The following MTUS2 variants were observed in gnomAD, a reference collection of about 807,000 sequenced individuals.
MTUS2 encodes microtubule associated scaffold protein 2.
Under a neutral mutation model 114.1 loss-of-function variants are expected in MTUS2, and 40 were observed. The ratio of observed to expected loss-of-function variants is 0.35; its 90% CI spans 0.27 to 0.46. The LOEUF is 0.46. MTUS2 is among the 20% of genes least tolerant of loss of function. The probability of loss-of-function intolerance (pLI) is 1.00; values close to 1 mark genes in which losing one functional copy is unlikely to be tolerated. For missense variants in MTUS2, 1,679 were observed against 1,705.4 expected, an observed-to-expected ratio of 0.98 and a Z score of 0.27; for synonymous variants, 688 against 672.0, an observed-to-expected ratio of 1.02 and a Z score of -0.37.
chr13:28,909,753 A>T (rs1413925041), intron 2 of MTUS2, among the ~76,000 whole-genome samples: 4 of 152,194 alleles, frequency 2.6e-5, no homozygotes, highest in African/African-American at 4.8e-5. Context: ...CTGTTTGCAG[A>T]TGTCATGATT....
At chr13:28,881,445 C>T (rs980092447) in intron 2 of MTUS2, among the ~76,000 whole-genome samples, 2 of 152,052 alleles carry the variant, frequency 1.3e-5, no homozygotes, top group African/African-American at 4.8e-5. Flanking sequence ...ACTATGAATG[C>T]AGGTATCTTT....
intron 5 of MTUS2, among the ~76,000 whole-genome samples, chr13:29,151,954 T>C (rs1172557441): frequency 6.6e-6 from 1 of 152,220 alleles, no homozygotes; most frequent in Non-Finnish European, 1.5e-5. Flanking sequence ...TTGAGGATTT[T>C]TGCATCTATG....
intron 1 of MTUS2, among the ~76,000 whole-genome samples, chr13:28,826,720 G>A (rs2137933419): frequency 6.6e-6 from 1 of 152,320 alleles, no homozygotes; most frequent in Admixed American, 6.5e-5. Flanking sequence ...TCCAGAAACA[G>A]GCTGATATTG....
intron 12 of MTUS2, among the ~76,000 whole-genome samples, chr13:29,493,836 A>G (rs1882356547): frequency 6.6e-6 from 1 of 152,174 alleles, no homozygotes; most frequent in Non-Finnish European, 1.5e-5. Context: ...CAAAGAAATG[A>G]GAGTTTTGTC....
At chr13:28,985,620 C>T (rs1388807351) in intron 2 of MTUS2, among the ~76,000 whole-genome samples, 5 of 150,340 alleles carry the variant, frequency 3.3e-5, no homozygotes, top group South Asian at 2.1e-4. Flanking sequence ...AATTCAGTGC[C>T]GTTGTTTAAG....
rs144465702 is a variant in MTUS2, at chr13:29,468,266, A to G, written c.3185-11884A>G. ...TTCCAAAGCATATGGCAGAATAACA[A>G]TATTTTTATTCTTCAAAAGAGCATT... On this transcript the variant is annotated intron_variant, in intron 9 of 15. Transcript: ENST00000612955. Among the ~76,000 whole-genome samples the G allele has an allele frequency of 2.9e-3, 433 of 151,456 alleles. 4 individuals are homozygous for G. Among genetic ancestry groups the G allele is most frequent in the Non-Finnish European group, 3.6e-3 (242 of 67,816 alleles).
At chr13:28,826,548 C>T (rs1379433937) in intron 1 of MTUS2, among the ~76,000 whole-genome samples, 1 of 152,194 alleles carries the variant, frequency 6.6e-6, no homozygotes, top group Non-Finnish European at 1.5e-5. Context: ...AGTGTTTACA[C>T]ACAGTCATTA....
At chr13:28,935,964 C>G (rs950298611) in intron 2 of MTUS2, among the ~76,000 whole-genome samples, 3 of 152,114 alleles carry the variant, frequency 2.0e-5, no homozygotes, top group Non-Finnish European at 4.4e-5. Flanking sequence ...CCAGACTGGT[C>G]TTGAACTCCT....
intron 5 of MTUS2, among the ~76,000 whole-genome samples, chr13:29,276,336 A>G (rs1351492150): frequency 4.6e-5 from 7 of 152,226 alleles, no homozygotes; most frequent in Admixed American, 1.3e-4. Flanking sequence ...GCAATTTTTC[A>G]GTCATATATA....
At chr13:29,221,415 A>G (rs923154872) in intron 5 of MTUS2, among the ~76,000 whole-genome samples, 10 of 152,362 alleles carry the variant, frequency 6.6e-5, no homozygotes, top group African/African-American at 2.4e-4. Flanking sequence ...TTTTGTGCCA[A>G]CTAAGCAGTG....
intron 2 of MTUS2, among the ~76,000 whole-genome samples, chr13:28,969,595 C>T (rs932807163): frequency 5.3e-5 from 8 of 150,814 alleles, no homozygotes; most frequent in Non-Finnish European, 1.2e-4. Context: ...ATCCGCCTCC[C>T]GGGTTCAAGC....
rs1878534513 is a variant in MTUS2 at position 28,885,370 on chromosome 13, T to G, written c.-243+45520T>G. Among the ~76,000 whole-genome samples, 3 of 152,176 alleles carry G rather than the reference T, an allele frequency of 2.0e-5. No individual in the cohort carries two copies. In the South Asian group the frequency reaches 6.2e-4, roughly 31 times the overall value. Reference sequence around the variant, plus strand: ...GGAAGGAAAAGAAGCTGACACTGATTGTCAACATTTATGGAAACCTGTTCT... The same window carrying G: ...GGAAGGAAAAGAAGCTGACACTGATGGTCAACATTTATGGAAACCTGTTCT... On this transcript the variant is annotated intron_variant, in intron 2 of 15. Coordinates refer to ENST00000612955, the MANE Select transcript of MTUS2 (RefSeq NM_001033602.4).
chr13:29,500,088 T>A (rs146835557), intron 14 of MTUS2, among the ~76,000 whole-genome samples: 2 of 152,194 alleles, frequency 1.3e-5, no homozygotes, highest in Admixed American at 1.3e-4. Context: ...GCCATTTGCA[T>A]TGGGTCACCA....
At chr13:28,944,571 A>G (rs1486851203) in intron 2 of MTUS2, among the ~76,000 whole-genome samples, 1 of 152,140 alleles carries the variant, frequency 6.6e-6, no homozygotes, top group Non-Finnish European at 1.5e-5. Flanking sequence ...TATTAGTTGT[A>G]TTCTATTGCT....
chr13:28,944,980 C>G (rs1377419080), intron 2 of MTUS2, among the ~76,000 whole-genome samples: 2 of 152,190 alleles, frequency 1.3e-5, no homozygotes, highest in East Asian at 3.8e-4. Flanking sequence ...CCCTCCCACC[C>G]TTAAAACCCT....
chr13:29,194,194 C>T (rs1384649508), intron 5 of MTUS2, among the ~76,000 whole-genome samples: 1 of 151,670 alleles, frequency 6.6e-6, no homozygotes, highest in African/African-American at 2.4e-5. Context: ...GCAAGGACTT[C>T]ATGTCTAAAA....
chr13:29,468,595 C>G (rs1399611437), intron 9 of MTUS2, among the ~76,000 whole-genome samples: 1 of 151,700 alleles, frequency 6.6e-6, no homozygotes, highest in Admixed American at 6.6e-5. Flanking sequence ...TACACACACA[C>G]ACACACACAC....
intron 8 of MTUS2, among the ~76,000 whole-genome samples, chr13:29,418,595 C>G (rs1024750482): frequency 1.3e-5 from 2 of 152,170 alleles, no homozygotes; most frequent in Non-Finnish European, 2.9e-5. Context: ...ATGACAGTAA[C>G]CATACATATC....
intron 2 of MTUS2, among the ~76,000 whole-genome samples, chr13:28,945,633 A>C (rs975932496): frequency 6.6e-6 from 1 of 152,128 alleles, no homozygotes; most frequent in African/African-American, 2.4e-5. Flanking sequence ...TCTTTTGAAA[A>C]ATGTCTGTTC....
Sources: allele counts gnomAD v4.1 joint callset (sites outside exome capture counted in the v4.1 genomes callset), GRCh38; gene constraint gnomAD v4.1.1; transcripts MANE v1.5; gene names NCBI Gene and HGNC (gene_info 2026-07-23, HGNC 2026-07-21).